Variants in PCDHA1 observed in about 807,000 individuals in gnomAD.
The protein encoded by PCDHA1 is protocadherin alpha 1, also known as protocadherin alpha-1.
Under a neutral mutation model 61.3 loss-of-function variants are expected in PCDHA1, and 42 were observed. The ratio of observed to expected loss-of-function variants is 0.69; its 90% CI spans 0.54 to 0.89. The LOEUF (loss-of-function observed/expected upper bound fraction) is 0.89, where lower values mean the gene tolerates loss of function less well. PCDHA1 is among the 40% of genes least tolerant of loss of function. The pLI, the probability that PCDHA1 is intolerant of heterozygous loss-of-function variation, is 0.00. For synonymous variants in PCDHA1, 610 were observed against 553.8 expected (o/e 1.10, Z -1.43); for missense variants, 1,256 against 1,235.3 (o/e 1.02, Z -0.25).
At chr5:140,987,316 G>A (rs13153056) in intron 3 of PCDHA1, among the ~76,000 whole-genome samples, 9,624 of 152,218 alleles carry the variant, frequency 0.063, 338 homozygotes, top group East Asian at 0.12. Flanking sequence ...AATGTACTGT[G>A]AAGTTTTAAG....
At chr5:140,831,135 G>C (rs1269683904) in intron 1 of PCDHA1, 5 of 152,252 alleles carry the variant, frequency 3.3e-5, no homozygotes, top group Admixed American at 3.3e-4. Context: ...TATGGTTATT[G>C]ATTTATTTAC....
intron 1 of PCDHA1, among the ~76,000 whole-genome samples, chr5:140,846,965 G>T (rs1780782789): frequency 6.7e-6 from 1 of 149,528 alleles, no homozygotes; most frequent in South Asian, 2.1e-4. Flanking sequence ...TGTTTCAGTG[G>T]TTTTAAAATA....
intron 1 of PCDHA1, among the ~76,000 whole-genome samples, chr5:140,970,213 A>AAAT (rs1198069658): frequency 6.6e-5 from 10 of 152,242 alleles, no homozygotes; most frequent in Admixed American, 2.0e-4. Context: ...AATTTAGCTT[A>AAAT]AATGCAGCCT....
rs782664897 is a variant in PCDHA1 at position 140,788,141 on chromosome 5, C to T, written c.1851C>T (p.Gly617=). ...LSYELQPAAG[G]ARIPFRVGLY... ...ATGAACTGCAGCCGGCAGCAGGCGG[C>T]GCGCGCATCCCGTTCCGCGTGGGGC... is the stretch of plus-strand genomic sequence containing the variant. The change falls in exon 1 of 4, where the codon GGC becomes GGT. Residue 617 remains glycine (G), a synonymous_variant. Coordinates refer to ENST00000504120, the MANE Select transcript of PCDHA1 (RefSeq NM_018900.4). 166 of 1,613,968 alleles carry T rather than the reference C, an allele frequency of 1.0e-4. 1 individual carries two copies. The South Asian group carries it at 1.7e-3, about 16-fold the overall frequency.
chr5:140,866,967 C>T (rs1315852276), intron 1 of PCDHA1: 7 of 152,134 alleles, frequency 4.6e-5, no homozygotes, highest in African/African-American at 1.7e-4. Context: ...ATGGTGACAT[C>T]TGAAATATCA....
At chr5:140,833,623 C>T (rs2150209911) in intron 1 of PCDHA1, among the ~76,000 whole-genome samples, 3 of 152,064 alleles carry the variant, frequency 2.0e-5, no homozygotes, top group Non-Finnish European at 4.4e-5. Context: ...ATTCAGAATA[C>T]TTCCTCCTCA....
chr5:140,821,566 A>G lies in PCDHA1; in HGVS notation c.2394+32882A>G, dbSNP rs2150109889. ...TTTCATCCACATGATGTCGCTGGACACCGGAAGGTTTTTCTCCCTTCCCAG... is the reference window on the plus strand; with the variant it reads ...TTTCATCCACATGATGTCGCTGGACGCCGGAAGGTTTTTCTCCCTTCCCAG... On this transcript the variant is annotated intron_variant, in intron 1 of 3. Coordinates refer to ENST00000504120, the MANE Select transcript of PCDHA1 (RefSeq NM_018900.4). 3 of 537,642 alleles carry G rather than the reference A, an allele frequency of 5.6e-6. No homozygotes were observed. The South Asian group carries it at 1.0e-4, about 18-fold the overall frequency. The allele number at this position is 537,642 out of a possible 1,614,324, so 33.3% of individuals were successfully genotyped here. A position where few individuals can be genotyped will look rare whatever the true frequency, so the allele number is the denominator to read the frequency against.
chr5:140,977,442 T>C (rs746141638), intron 1 of PCDHA1, among the ~76,000 whole-genome samples: 1 of 152,186 alleles, frequency 6.6e-6, no homozygotes. Flanking sequence ...TAGTAGATAA[T>C]GGAAACTCCT....
chr5:140,873,928 T>C (rs944678136), intron 1 of PCDHA1, among the ~76,000 whole-genome samples: 1 of 152,216 alleles, frequency 6.6e-6, no homozygotes, highest in Non-Finnish European at 1.5e-5. Flanking sequence ...CCCAAAGTGC[T>C]GGGATTACAG....
At chr5:140,851,402 T>C (rs2042052947) in intron 1 of PCDHA1, 2 of 969,750 alleles carry the variant, frequency 2.1e-6, no homozygotes. Flanking sequence ...ATTATTTTAA[T>C]AAGAAAGAAA....
intron 1 of PCDHA1, among the ~76,000 whole-genome samples, chr5:140,908,393 A>G (rs1295544122): frequency 2.0e-5 from 3 of 152,132 alleles, no homozygotes; most frequent in Non-Finnish European, 4.4e-5. Context: ...CCGATCACAT[A>G]TATACCACTT....
chr5:140,824,251 T>C (rs1283457501), intron 1 of PCDHA1: 2 of 1,394,460 alleles, frequency 1.4e-6, no homozygotes, highest in Non-Finnish European at 2.0e-6. Flanking sequence ...GGTACACAAT[T>C]ATTGCACTAA....
At chr5:140,906,821 G>A (rs1354317622) in intron 1 of PCDHA1, among the ~76,000 whole-genome samples, 7 of 152,220 alleles carry the variant, frequency 4.6e-5, no homozygotes, top group Non-Finnish European at 7.3e-5. Flanking sequence ...CCACTGTGGA[G>A]TAGTAGACTG....
chr5:140,819,247 T>A (rs1766517839), intron 1 of PCDHA1, among the ~76,000 whole-genome samples: 1 of 152,184 alleles, frequency 6.6e-6, no homozygotes, highest in African/African-American at 2.4e-5. Flanking sequence ...CTCTGCAATC[T>A]GGTATATCTA....
intron 1 of PCDHA1, chr5:140,803,126 G>T: frequency 6.2e-7 from 1 of 1,613,810 alleles, no homozygotes; most frequent in Non-Finnish European, 8.5e-7. Context: ...TGGACGCCCC[G>T]CGCCATCGCC....
At chr5:140,957,852 AT>A (rs5871756) in intron 1 of PCDHA1, among the ~76,000 whole-genome samples, 2 of 151,658 alleles carry the variant, frequency 1.3e-5, no homozygotes, top group African/African-American at 2.4e-5. Context: ...GAGTTTGTGT[AT>A]TTTTTTTCCT....
At chr5:140,999,078 T>G (rs1554256609) in intron 3 of PCDHA1, among the ~76,000 whole-genome samples, 2 of 152,208 alleles carry the variant, frequency 1.3e-5, no homozygotes, top group Non-Finnish European at 2.9e-5. Context: ...CTTCACTTCC[T>G]CCTTCAGAGG....
chr5:140,929,461 C>A, intron 1 of PCDHA1: 1 of 1,314,566 alleles, frequency 7.6e-7, no homozygotes, highest in Non-Finnish European at 1.0e-6. Context: ...CTTCCTGTGC[C>A]AAGAAATCTG....
At position 140,850,115 on chromosome 5, in the gene PCDHA1, G is replaced by T. The variant is rs2150468444; in HGVS notation, c.2394+61431G>T. 1.3e-5 allele frequency: 21 copies of T among 1,595,978 alleles called. 2 individuals are homozygous for T. The highest frequency in any genetic ancestry group is 2.2e-5 in the South Asian group (2 of 90,490). ...AGTTCCAGGTGAGCGCGCGCGACGC[G>T]GGCGTGCCGCCTCTGGGCAGCAACG... On this transcript the variant is annotated intron_variant, in intron 1 of 3. Coordinates refer to ENST00000504120, the MANE Select transcript of PCDHA1 (RefSeq NM_018900.4).
Sources: gnomAD v4.1 joint callset for allele counts (sites outside exome capture counted in the v4.1 genomes callset) on GRCh38, gnomAD v4.1.1 for gene constraint, MANE v1.5 for transcripts, NCBI Gene and HGNC (gene_info 2026-07-23, HGNC 2026-07-21) for gene names.